KCTD5: variants seen among roughly 807,000 people sequenced by gnomAD.
KCTD5 encodes the protein potassium channel tetramerization domain containing 5, also known as BTB/POZ domain-containing protein KCTD5.
In KCTD5, 12 loss-of-function variants were observed where a neutral mutation model predicts 27.9. The ratio of observed to expected loss-of-function variants is 0.43; its 90% confidence interval spans 0.28 to 0.70. KCTD5 has a LOEUF of 0.70. Among genes scored for constraint, KCTD5 ranks in the 30% least tolerant of loss-of-function variants. KCTD5 has a pLI of 0.19. For missense variants in KCTD5, 226 were observed against 274.8 expected (o/e 0.82, Z 1.26); for synonymous variants, 147 against 121.4 (o/e 1.21, Z -1.39).
chr16:2,689,519 G>A (rs2067555688), intron 1 of KCTD5, among the ~76,000 whole-genome samples: 3 of 130,586 alleles, frequency 2.3e-5, no homozygotes, highest in Non-Finnish European at 4.9e-5. Context: ...CTGGTGGCAC[G>A]TGTCTCCGAG....
At chr16:2,700,049 G>A (rs1333352247) in intron 4 of KCTD5, 133 bp downstream of exon 4, 3 of 777,906 alleles carry the variant, frequency 3.9e-6, no homozygotes, top group East Asian at 5.5e-5. Flanking sequence ...GGGTGCTCAC[G>A]GCAGCGACCT....
chr16:2,697,856 C>G, intron 2 of KCTD5, 50 bp from the exon 3 acceptor site: 1 of 1,338,606 alleles, frequency 7.5e-7, no homozygotes, highest in Non-Finnish European at 1.1e-6. Context: ...AGCGTGGATT[C>G]TTTGGTTTAG....
intron 5 of KCTD5, among the ~76,000 whole-genome samples, chr16:2,706,947 G>A (rs914377153): frequency 1.8e-4 from 28 of 151,888 alleles, no homozygotes; most frequent in African/African-American, 6.5e-4. Flanking sequence ...AGACTTAATT[G>A]GGGAGGGGGG....
In KCTD5 at chr16:2,698,005, A is replaced by G. The variant is rs1243467747; in HGVS notation, c.453+8A>G. The G allele has an allele frequency of 1.9e-6, 3 of 1,596,642 alleles. No individual in the cohort carries two copies. The highest frequency in any genetic ancestry group is 2.6e-6 in the Non-Finnish European group (3 of 1,164,566). On this transcript the variant is annotated splice_region_variant and intron_variant, in intron 3 of 5. Transcript: ENST00000301738. ...GACAGCAAAACATCGCAGGTGAGAC[A>G]AATGACTGAGGCTGGAAGCTTGTAT...
chr16:2,692,068 T>C (rs1319069632), intron 1 of KCTD5, among the ~76,000 whole-genome samples: 1 of 152,150 alleles, frequency 6.6e-6, no homozygotes, highest in African/African-American at 2.4e-5. Flanking sequence ...GCCTAGCCAC[T>C]GTGGCCAGAG....
intron 1 of KCTD5, among the ~76,000 whole-genome samples, chr16:2,688,243 A>T (rs28593320): frequency 8.6e-4 from 55 of 64,248 alleles, no homozygotes; most frequent in South Asian, 2.4e-3. Flanking sequence ...ATATATATAT[A>T]TATTTATTTA....
At chr16:2,699,704 G>T (rs1043448686) in intron 3 of KCTD5, 117 bp from the exon 4 acceptor site, 6 of 838,788 alleles carry the variant, frequency 7.2e-6, no homozygotes. Flanking sequence ...TGGGCCTCGT[G>T]CCCTGTGCTG....
Position 2,682,764 on chromosome 16 carries a change from C to G in KCTD5, c.216C>G (p.Arg72=). ...LCRDPKSFLY[R]LCQADPDLDS... ...GGGACCCGAAATCCTTCCTGTACCG[C>G]TTATGCCAGGCCGATCCCGACCTGG... Residue 72 remains arginine, a synonymous_variant, in exon 1 of 6, where the codon CGC becomes CGG. Coordinates refer to ENST00000301738, the MANE Select transcript of KCTD5 (RefSeq NM_018992.4). 6.2e-7 allele frequency: 1 copy of G among 1,605,914 alleles called. No individual in the cohort carries two copies. The highest frequency in any genetic ancestry group is 8.5e-7 in the Non-Finnish European group (1 of 1,176,916).
chr16:2,702,065 C>G (rs997526955), intron 4 of KCTD5, among the ~76,000 whole-genome samples: 2 of 152,224 alleles, frequency 1.3e-5, no homozygotes, highest in African/African-American at 4.8e-5. Context: ...CCCGTCTGTG[C>G]TCCGTCCCCC....
intron 1 of KCTD5, among the ~76,000 whole-genome samples, chr16:2,693,684 G>A (rs1316420563): frequency 6.6e-6 from 1 of 152,256 alleles, no homozygotes; most frequent in African/African-American, 2.4e-5. Flanking sequence ...CGCCCAGCAC[G>A]CTTCCTTCTC....
intron 1 of KCTD5, among the ~76,000 whole-genome samples, chr16:2,687,220 G>T (rs929062354): frequency 6.6e-6 from 1 of 152,174 alleles, no homozygotes; most frequent in African/African-American, 2.4e-5. Flanking sequence ...AAAAGGACTC[G>T]ACTCTGGTGA....
intron 5 of KCTD5, among the ~76,000 whole-genome samples, chr16:2,704,155 C>T (rs1222774001): frequency 6.6e-6 from 1 of 152,210 alleles, no homozygotes; most frequent in African/African-American, 2.4e-5. Context: ...AAAATACCTG[C>T]TCTGAAGTGG....
At chr16:2,697,790 G>A in intron 2 of KCTD5, 116 bp from the exon 3 acceptor site, 1 of 732,038 alleles carries the variant, frequency 1.4e-6, no homozygotes, top group South Asian at 1.7e-5. Context: ...GCTCCCGCTG[G>A]GCCGAGCCAT....
At chr16:2,706,980 G>A (rs536489328) in intron 5 of KCTD5, among the ~76,000 whole-genome samples, 6 of 152,152 alleles carry the variant, frequency 3.9e-5, no homozygotes, top group East Asian at 1.9e-4. Flanking sequence ...AGGGACCCGC[G>A]GGCCGAGTTG....
rs565338440 is a variant in KCTD5, at chr16:2,705,831, C to T, written c.676-1467C>T. ...TGTCTAGAGTAGCCCGTGCTGCTCC[C>T]GGCCTTGGGAGGGCGAAGGACAGCA... On this transcript the variant is annotated intron_variant, in intron 5 of 5. Transcript: ENST00000301738. 2.6e-5 allele frequency among the ~76,000 whole-genome samples: 4 copies of T among 152,290 alleles called. No homozygotes were observed. The South Asian group carries it at 6.2e-4, about 24-fold the overall frequency.
At chr16:2,698,695 C>T (rs983006754) in intron 3 of KCTD5, among the ~76,000 whole-genome samples, 2 of 151,966 alleles carry the variant, frequency 1.3e-5, no homozygotes, top group East Asian at 1.9e-4. Context: ...CCACGTAGAG[C>T]CCTGGGCCCT....
chr16:2,685,569 A>AG (rs2067537188), intron 1 of KCTD5: 1 of 149,222 alleles, frequency 6.7e-6, no homozygotes, highest in Admixed American at 6.7e-5. Flanking sequence ...TCATCAAATG[A>AG]GGAAATGTGT....
chr16:2,700,637 C>T (rs537928022), intron 4 of KCTD5, among the ~76,000 whole-genome samples: 2 of 136,134 alleles, frequency 1.5e-5, no homozygotes, highest in East Asian at 3.9e-4. Flanking sequence ...CCTCCCTGTC[C>T]TGAGTTTCCT....
intron 5 of KCTD5, among the ~76,000 whole-genome samples, chr16:2,703,088 T>C (rs569690348): frequency 6.6e-6 from 1 of 152,304 alleles, no homozygotes; most frequent in African/African-American, 2.4e-5. Flanking sequence ...CCTTCTGTTT[T>C]CTGCGGGGCA....
Sources: gnomAD v4.1 joint callset for allele counts (sites outside exome capture counted in the v4.1 genomes callset) on GRCh38, gnomAD v4.1.1 for gene constraint, MANE v1.5 for transcripts, NCBI Gene and HGNC (gene_info 2026-07-23, HGNC 2026-07-21) for gene names.